Variants in ME1 observed in about 807,000 individuals in gnomAD.
The protein encoded by ME1 is NADP-dependent malic enzyme.
In ME1, 74 loss-of-function variants were observed where a neutral mutation model predicts 66.4. The observed-to-expected ratio is 1.11, with a 90% CI of 0.92 to 1.35. The LOEUF is 1.35. Ranked by LOEUF, ME1 falls within the 40% of genes most tolerant of loss-of-function variation. The pLI is 0.00. For synonymous variants in ME1, 251 were observed against 235.6 expected (o/e 1.07, Z -0.60); for missense variants, 750 against 694.1 (o/e 1.08, Z -0.90).
rs985541233 is a variant in ME1 at position 83,211,660 on chromosome 6, G to A, written c.*264C>T. 1.1e-4 allele frequency: 27 copies of A among 237,992 alleles called. No individual in the cohort carries two copies. Among genetic ancestry groups the A allele is most frequent in the East Asian group, 7.2e-4 (9 of 12,522 alleles). The allele number at this position is 237,992 out of a possible 1,614,324, so 14.7% of individuals were successfully genotyped here. A position where few individuals can be genotyped will look rare whatever the true frequency, so the allele number is the denominator to read the frequency against. ...CTGTATAAAAATGATGAGTTTCTCC[G>A]TAGTACGTACAACAGCTTTTAAAGA... On this transcript the variant is annotated 3_prime_UTR_variant, in exon 14 of 14. Transcript: ENST00000369705.
At chr6:83,413,296 C>G (rs1207702291) in intron 1 of ME1, among the ~76,000 whole-genome samples, 5 of 152,142 alleles carry the variant, frequency 3.3e-5, no homozygotes, top group Non-Finnish European at 7.4e-5. Context: ...ATTACACAAT[C>G]AAATTAAACA....
chr6:83,312,777 G>C (rs549810485), intron 6 of ME1, among the ~76,000 whole-genome samples: 1 of 151,986 alleles, frequency 6.6e-6, no homozygotes, highest in Admixed American at 6.6e-5. Flanking sequence ...TTTTAAGAAA[G>C]AGTCTTGCTC....
chr6:83,419,684 T>C (rs1351573645), intron 1 of ME1, among the ~76,000 whole-genome samples: 1 of 152,226 alleles, frequency 6.6e-6, no homozygotes, highest in Non-Finnish European at 1.5e-5. Context: ...TTTTAAAATA[T>C]TAAGAACCAT....
chr6:83,239,698 T>G, intron 7 of ME1, 62 bp from the exon 8 acceptor site: 1 of 1,155,072 alleles, frequency 8.7e-7, no homozygotes, highest in Non-Finnish European at 1.3e-6. Flanking sequence ...TTTTCAAGCT[T>G]TTATTCACAA....
At chr6:83,393,043 C>A in intron 3 of ME1, 2 of 1,324,896 alleles carry the variant, frequency 1.5e-6, no homozygotes, top group Non-Finnish European at 1.1e-6. Flanking sequence ...ACTGGTGCTG[C>A]CAAGGCTGTG....
intron 1 of ME1, among the ~76,000 whole-genome samples, chr6:83,421,313 G>C (rs79079525): frequency 0.038 from 5,775 of 152,164 alleles, 356 homozygotes; most frequent in African/African-American, 0.13. Flanking sequence ...GGAACCAATT[G>C]CCTGGTATTT....
chr6:83,219,740 ATTTTTTTTT>A (rs11324255), intron 12 of ME1, among the ~76,000 whole-genome samples: 1 of 133,210 alleles, frequency 7.5e-6, no homozygotes, highest in South Asian at 2.4e-4. Context: ...TGCCCAACTA[ATTTTTTTTT>A]TTTTTTTTTT....
intron 7 of ME1, among the ~76,000 whole-genome samples, chr6:83,249,239 T>C (rs1160269217): frequency 6.6e-6 from 1 of 151,732 alleles, no homozygotes; most frequent in African/African-American, 2.4e-5. Context: ...ATATATACTT[T>C]TTTTCTTTTT....
At chr6:83,287,051 T>G (rs1767409228) in intron 6 of ME1, among the ~76,000 whole-genome samples, 1 of 152,190 alleles carries the variant, frequency 6.6e-6, no homozygotes, top group African/African-American at 2.4e-5. Flanking sequence ...ACACTAAATA[T>G]TTCAACAATC....
intron 2 of ME1, among the ~76,000 whole-genome samples, chr6:83,403,475 G>A (rs1436580240): frequency 6.6e-6 from 1 of 152,080 alleles, no homozygotes; most frequent in Non-Finnish European, 1.5e-5. Flanking sequence ...AGCTTTCTTA[G>A]GCCTCTTTTA....
At chr6:83,229,820 TTA>T (rs1327944356) in intron 9 of ME1, among the ~76,000 whole-genome samples, 1 of 152,162 alleles carries the variant, frequency 6.6e-6, no homozygotes, top group African/African-American at 2.4e-5. Flanking sequence ...TATTATCATT[TTA>T]TTTCTGTTGC....
chr6:83,243,499 T>TGATATAATCTATTATAATTATATC (rs1562457423), intron 7 of ME1, among the ~76,000 whole-genome samples: 15 of 129,124 alleles, frequency 1.2e-4, no homozygotes, highest in African/African-American at 4.3e-4. Flanking sequence ...TATGTTATAT[T>TGATATAATCTATTATAATTATATC]GATATAATCT....
chr6:83,356,394 GA>G (rs1768890198), intron 3 of ME1, among the ~76,000 whole-genome samples: 1 of 152,042 alleles, frequency 6.6e-6, no homozygotes, highest in African/African-American at 2.4e-5. Context: ...GACAGAAAAA[GA>G]AGTACTAAAA....
At chr6:83,288,196 T>A (rs1328612235) in intron 6 of ME1, among the ~76,000 whole-genome samples, 1 of 152,202 alleles carries the variant, frequency 6.6e-6, no homozygotes, top group African/African-American at 2.4e-5. Context: ...TTGTTACCAT[T>A]GCTTTTGGTG....
chr6:83,221,745 C>T (rs773045651), intron 12 of ME1, among the ~76,000 whole-genome samples: 8 of 150,610 alleles, frequency 5.3e-5, no homozygotes, highest in Admixed American at 1.3e-4. Flanking sequence ...TCTTTGAAAG[C>T]ATAAGAAAAA....
In ME1 at chr6:83,239,579, T is replaced by C. The variant is rs1418447282; in HGVS notation, c.872A>G (p.Lys291Arg). 6.2e-7 allele frequency: 1 copy of C among 1,613,400 alleles called. No individual in the cohort carries two copies. The highest frequency in any genetic ancestry group is 2.2e-5 in the East Asian group (1 of 44,856). Residue 291 changes from lysine to arginine, a missense_variant, in exon 8 of 14, where the codon AAA becomes AGA. Physicochemically the swap from Lys to Arg is conservative, Grantham distance 26. Coordinates refer to ENST00000369705, the MANE Select transcript of ME1 (RefSeq NM_002395.6). ...GAATAGTATTGTTTGATCAGACAGT[T>C]TGTTCTTGGTTATTCGAAGAGCTGC... ...LLAALRITKN[K>R]LSDQTILFQG...
At chr6:83,372,993 AC>A (rs1263091462) in intron 3 of ME1, among the ~76,000 whole-genome samples, 1 of 152,242 alleles carries the variant, frequency 6.6e-6, no homozygotes, top group East Asian at 1.9e-4. Context: ...ACTTTCCAAA[AC>A]TACTAAATAT....
At chr6:83,227,583 C>G (rs1790222803) in intron 10 of ME1, 106 bp from the exon 11 acceptor site, 2 of 966,714 alleles carry the variant, frequency 2.1e-6, no homozygotes, top group African/African-American at 3.3e-5. Flanking sequence ...TTCTAATAGA[C>G]CCTAAACAAA....
chr6:83,307,516 T>A (rs1208184463), intron 6 of ME1, among the ~76,000 whole-genome samples: 1 of 152,128 alleles, frequency 6.6e-6, no homozygotes, highest in Non-Finnish European at 1.5e-5. Flanking sequence ...TTAAATTTCT[T>A]ATGAAAAGCA....
Sources: gnomAD v4.1 joint callset for allele counts (sites outside exome capture counted in the v4.1 genomes callset) on GRCh38, gnomAD v4.1.1 for gene constraint, MANE v1.5 for transcripts, NCBI Gene and HGNC (gene_info 2026-07-23, HGNC 2026-07-21) for gene names.